The following RBFOX3 variants were observed in gnomAD, a reference collection of about 807,000 sequenced individuals.
RBFOX3 encodes RNA binding protein fox-1 homolog 3.
Under a neutral mutation model 48.7 loss-of-function variants are expected in RBFOX3, and 17 were observed. The observed-to-expected ratio is 0.35, with a 90% CI of 0.24 to 0.52. The LOEUF (loss-of-function observed/expected upper bound fraction) is 0.52, where lower values mean the gene tolerates loss of function less well. Ranked by LOEUF, RBFOX3 falls within the 20% of genes least tolerant of loss-of-function variation. The pLI is 0.94. For missense variants in RBFOX3, 382 were observed against 497.5 expected (o/e 0.77, Z 2.21); for synonymous variants, 212 against 209.5 (o/e 1.01, Z -0.10).
At chr17:79,161,010 G>A (rs889801573) in intron 4 of RBFOX3, among the ~76,000 whole-genome samples, 10 of 151,390 alleles carry the variant, frequency 6.6e-5, no homozygotes, top group South Asian at 6.3e-4. Context: ...AAAAAGTCTC[G>A]TGGGCTGGGC....
At chr17:79,558,806 C>G (rs959128043) in intron 1 of RBFOX3, among the ~76,000 whole-genome samples, 2 of 152,162 alleles carry the variant, frequency 1.3e-5, no homozygotes, top group African/African-American at 4.8e-5. Context: ...GCCAGCTGCA[C>G]AAGAAGGACA....
At chr17:79,587,272 C>A (rs1232317751) in intron 1 of RBFOX3, among the ~76,000 whole-genome samples, 2 of 152,224 alleles carry the variant, frequency 1.3e-5, no homozygotes, top group East Asian at 3.9e-4. Context: ...CACTATGGTG[C>A]TGGCATCCTT....
chr17:79,301,278 C>T (rs1161748033), intron 3 of RBFOX3, among the ~76,000 whole-genome samples: 1 of 152,232 alleles, frequency 6.6e-6, no homozygotes, highest in African/African-American at 2.4e-5. Context: ...GTCCAGCCCT[C>T]TGGGGCTGCG....
chr17:79,612,441 C>T (rs2093976058), upstream of RBFOX3, among the ~76,000 whole-genome samples: 1 of 152,120 alleles, frequency 6.6e-6, no homozygotes, highest in African/African-American at 2.4e-5. Context: ...GGATTTGGAG[C>T]TTCTCGGTAG....
chr17:79,556,550 C>A (rs1184057087), intron 1 of RBFOX3, among the ~76,000 whole-genome samples: 1 of 152,066 alleles, frequency 6.6e-6, no homozygotes, highest in Non-Finnish European at 1.5e-5. Flanking sequence ...GAGCTGTAAC[C>A]ACATCCAGAG....
intron 1 of RBFOX3, among the ~76,000 whole-genome samples, chr17:79,605,745 C>T (rs1258605673): frequency 6.6e-6 from 1 of 152,242 alleles, no homozygotes; most frequent in Non-Finnish European, 1.5e-5. Flanking sequence ...TAAAAGAAAA[C>T]TTGCAGTAGC....
intron 4 of RBFOX3, among the ~76,000 whole-genome samples, chr17:79,227,335 G>A (rs1344024091): frequency 6.6e-6 from 1 of 152,172 alleles, no homozygotes; most frequent in Non-Finnish European, 1.5e-5. Context: ...TTTCCTCCTG[G>A]GCTGGTGTCC....
At chr17:79,157,519 C>T (rs1042142115) in intron 4 of RBFOX3, among the ~76,000 whole-genome samples, 2 of 152,236 alleles carry the variant, frequency 1.3e-5, no homozygotes, top group Non-Finnish European at 2.9e-5. Flanking sequence ...GTGCCACTTA[C>T]TGATGTGCCC....
chr17:79,602,267 A>G (rs2093722401), intron 1 of RBFOX3, among the ~76,000 whole-genome samples: 1 of 152,244 alleles, frequency 6.6e-6, no homozygotes, highest in Non-Finnish European at 1.5e-5. Flanking sequence ...AGCTGTCAAG[A>G]TATCAAACAG....
the RBFOX3 span, among the ~76,000 whole-genome samples, chr17:79,656,702 AAGGAAGGAG>A: frequency 1.9e-3 from 13 of 6,728 alleles, 1 homozygote; most frequent in South Asian, 7.1e-3. Context: ...GGAAGGAAGG[AAGGAAGGAG>A]AGAGAGAGAG....
intron 3 of RBFOX3, among the ~76,000 whole-genome samples, chr17:79,288,970 A>T (rs1327288502): frequency 1.3e-5 from 2 of 152,256 alleles, no homozygotes; most frequent in African/African-American, 4.8e-5. Context: ...AGTAGCAGGG[A>T]ATGAGGGGGT....
intron 14 of RBFOX3, chr17:79,092,498 G>A: frequency 1.0e-6 from 1 of 986,094 alleles, no homozygotes; most frequent in Non-Finnish European, 1.2e-6. Context: ...TGACCGGGAG[G>A]GGTGCACTGT....
At chr17:79,152,068 C>G (rs2044651025) in intron 4 of RBFOX3, among the ~76,000 whole-genome samples, 1 of 151,864 alleles carries the variant, frequency 6.6e-6, no homozygotes, top group East Asian at 1.9e-4. Context: ...GGCCTCAGGG[C>G]TCCCCCCACC....
the RBFOX3 span, among the ~76,000 whole-genome samples, chr17:79,640,407 G>T: frequency 2.4e-3 from 366 of 152,224 alleles, 2 homozygotes; most frequent in Middle Eastern, 0.024. Flanking sequence ...CACAAATTCA[G>T]TGCAATCCCT....
At chr17:79,097,663 T>TACCAAACC in intron 10 of RBFOX3, 29 bp downstream of exon 10, 1 of 1,384,074 alleles carries the variant, frequency 7.2e-7, no homozygotes, top group Non-Finnish European at 9.8e-7. Context: ...GCTGGTCTCA[T>TACCAAACC]CCCATCCCCG....
At chr17:79,256,806 T>G (rs1269043333) in intron 3 of RBFOX3, among the ~76,000 whole-genome samples, 1 of 151,744 alleles carries the variant, frequency 6.6e-6, no homozygotes, top group East Asian at 1.9e-4. Flanking sequence ...TGAAATCCTA[T>G]CTACTCGTGG....
intron 1 of RBFOX3, among the ~76,000 whole-genome samples, chr17:79,507,123 G>A (rs1319685386): frequency 2.0e-5 from 3 of 152,088 alleles, no homozygotes; most frequent in Admixed American, 6.5e-5. Context: ...CAGACCCCCG[G>A]GGGAGGCTGG....
At chr17:79,468,088 G>C (rs1313881809) in intron 2 of RBFOX3, among the ~76,000 whole-genome samples, 1 of 152,120 alleles carries the variant, frequency 6.6e-6, no homozygotes, top group African/African-American at 2.4e-5. Flanking sequence ...TGAGAGACTG[G>C]TTAACCATGA....
intron 2 of RBFOX3, among the ~76,000 whole-genome samples, chr17:79,343,810 T>C (rs918104267): frequency 1.3e-5 from 2 of 152,156 alleles, no homozygotes; most frequent in South Asian, 4.1e-4. Context: ...GTGAGGAAGC[T>C]GAACTCAGAG....
Sources: gnomAD v4.1 joint callset for allele counts (sites outside exome capture counted in the v4.1 genomes callset) on GRCh38, gnomAD v4.1.1 for gene constraint, MANE v1.5 for transcripts, NCBI Gene and HGNC (gene_info 2026-07-23, HGNC 2026-07-21) for gene names.